Variants in ACTR6 observed in about 807,000 individuals in gnomAD.
ACTR6 encodes actin related protein 6.
Under a neutral mutation model 52.5 loss-of-function variants are expected in ACTR6, and 50 were observed. The ratio of observed to expected loss-of-function variants is 0.95; its 90% CI spans 0.76 to 1.20. ACTR6 has a LOEUF of 1.20. Among genes scored for constraint, ACTR6 ranks in the 50% most tolerant of loss-of-function variants. The pLI is 0.00. For missense variants in ACTR6, 344 were observed against 472.4 expected (o/e 0.73, Z 2.52); for synonymous variants, 135 against 147.2 (o/e 0.92, Z 0.60).
chr12:100,216,244 C>T (rs1052689398), intron 8 of ACTR6, among the ~76,000 whole-genome samples: 2 of 152,240 alleles, frequency 1.3e-5, no homozygotes, highest in African/African-American at 4.8e-5. Flanking sequence ...CAGCTTTGAC[C>T]TCTCAGGCTC....
chr12:100,201,631 C>A (rs2096109752), intron 1 of ACTR6, among the ~76,000 whole-genome samples: 1 of 152,082 alleles, frequency 6.6e-6, no homozygotes, highest in African/African-American at 2.4e-5. Flanking sequence ...TACAATCTTT[C>A]TGGAAAACGT....
intron 10 of ACTR6, among the ~76,000 whole-genome samples, chr12:100,222,079 C>T (rs183178613): frequency 1.5e-3 from 226 of 151,964 alleles, no homozygotes; most frequent in Non-Finnish European, 2.8e-3. Context: ...CTCAGCCTCC[C>T]GAATAGCTGG....
chr12:100,220,189 T>G (rs1416366684), intron 10 of ACTR6, 43 bp downstream of exon 10: 30 of 1,570,062 alleles, frequency 1.9e-5, no homozygotes, highest in Non-Finnish European at 2.6e-5. Context: ...GAAGTCCACA[T>G]GTAGAAAAGG....
At chr12:100,203,600 G>T (rs564529264) in intron 1 of ACTR6, 2 of 150,910 alleles carry the variant, frequency 1.3e-5, no homozygotes, top group East Asian at 3.9e-4. Flanking sequence ...CACTGCTCCC[G>T]GCTGGAAACT....
At chr12:100,217,936 C>T (rs1477444378) in intron 8 of ACTR6, among the ~76,000 whole-genome samples, 1 of 152,164 alleles carries the variant, frequency 6.6e-6, no homozygotes, top group Non-Finnish European at 1.5e-5. Flanking sequence ...AAACTAGAAT[C>T]ATTGTACCAT....
chr12:100,202,860 A>C (rs2096111008), intron 1 of ACTR6, among the ~76,000 whole-genome samples: 1 of 151,012 alleles, frequency 6.6e-6, no homozygotes, highest in Non-Finnish European at 1.5e-5. Flanking sequence ...TCGGTCTCAA[A>C]AAAAAAAAAA....
rs2096125457 is a variant in ACTR6, at chr12:100,218,353, T to C, written c.751-62T>C. 1 of 1,189,640 alleles carries C rather than the reference T, an allele frequency of 8.4e-7. No individual in the cohort carries two copies. Among genetic ancestry groups the C allele is most frequent in the African/African-American group, 1.6e-5 (1 of 63,024 alleles). 73.7% of individuals were successfully genotyped at this position (1,189,640 alleles called of 1,614,324 possible). A position where few individuals can be genotyped will look rare whatever the true frequency, so the allele number is the denominator to read the frequency against. ...TATTGCATATATAATTGCATATTACTAATTATTAGTCATGTGAGCTAGATA... is the reference window on the plus strand; with the variant it reads ...TATTGCATATATAATTGCATATTACCAATTATTAGTCATGTGAGCTAGATA... On this transcript the variant is annotated intron_variant, in intron 8 of 10. Transcript: ENST00000188312. The surrounding 1 kb of genome is among the most constrained non-coding windows in gnomAD (Gnocchi z 4.2).
At chr12:100,203,298 G>T (rs1043686874) in intron 1 of ACTR6, among the ~76,000 whole-genome samples, 3 of 152,000 alleles carry the variant, frequency 2.0e-5, no homozygotes, top group Non-Finnish European at 4.4e-5. Flanking sequence ...GGCTTCATGG[G>T]AACTTAATTT....
At chr12:100,205,095 G>T in intron 2 of ACTR6, 38 bp downstream of exon 2, 1 of 1,278,724 alleles carries the variant, frequency 7.8e-7, no homozygotes, top group South Asian at 1.4e-5. Flanking sequence ...TAGCATTGTA[G>T]ACCTAAATTT....
chr12:100,219,669 G>T lies in ACTR6; in HGVS notation c.923-339G>T, dbSNP rs547193968. The stretch of plus-strand genomic sequence containing the variant: ...ACCACCCCCCTTCCATTTTAGAGAA[G>T]AATAATTATAATTACCAACTGTTTT... On this transcript the variant is annotated intron_variant, in intron 9 of 10. Transcript: ENST00000188312. Among the ~76,000 whole-genome samples the T allele has an allele frequency of 3.9e-5, 6 of 152,122 alleles. No individual in the cohort carries two copies. The South Asian group carries it at 1.0e-3, about 26-fold the overall frequency.
At chr12:100,210,937 C>G (rs1321027363) in intron 6 of ACTR6, among the ~76,000 whole-genome samples, 13 of 152,132 alleles carry the variant, frequency 8.5e-5, no homozygotes, top group Admixed American at 8.5e-4. Context: ...CTGGCAACTA[C>G]TAATTGGCTT....
chr12:100,208,912 GATTT>G, intron 4 of ACTR6: 2 of 370,504 alleles, frequency 5.4e-6, no homozygotes, highest in Non-Finnish European at 1.1e-5. Context: ...ACATCTGGCT[GATTT>G]ATTTATTTTT....
Position 100,207,677 on chromosome 12 carries a change from T to G in ACTR6, c.270T>G (p.Asp90Glu). The change falls in exon 4 of 11, where the codon GAT becomes GAG. Residue 90 changes from aspartate (D) to glutamate (E), a missense_variant. By Grantham distance (45) the Asp-to-Glu change is conservative (BLOSUM62 2). Coordinates refer to ENST00000188312, the MANE Select transcript of ACTR6 (RefSeq NM_022496.5). The stretch of plus-strand genomic sequence containing the variant: ...TTCTCCTATAGGTTGATTTTTTAGA[T>G]ACTAATATTATTATCACTGAACCAT... The part of the protein sequence containing the change: ...GKEMYQVDFL[D>E]TNIIITEPYF... 3 of 1,520,936 alleles carry G rather than the reference T, an allele frequency of 2.0e-6. No individual in the cohort carries two copies. Among genetic ancestry groups the G allele is most frequent in the Non-Finnish European group, 2.7e-6 (3 of 1,118,466 alleles). 94.2% of individuals were successfully genotyped at this position (1,520,936 alleles called of 1,614,324 possible).
chr12:100,214,305 A>G (rs1592843181), intron 8 of ACTR6, among the ~76,000 whole-genome samples: 1 of 152,228 alleles, frequency 6.6e-6, no homozygotes, highest in Non-Finnish European at 1.5e-5. Context: ...TGGGTTTTAT[A>G]TAATTATTTA....
chr12:100,219,174 A>AG (rs1164614008), intron 9 of ACTR6, among the ~76,000 whole-genome samples: 1 of 151,438 alleles, frequency 6.6e-6, no homozygotes, highest in Non-Finnish European at 1.5e-5. Context: ...AAAAAAAAAA[A>AG]AAAAAGAAAA....
Position 100,218,328 on chromosome 12 carries a change from TATTGCATATATA to T in ACTR6, c.751-77_751-66del, listed in dbSNP as rs2096125447. The T allele has an allele frequency of 1.3e-6, 1 of 783,646 alleles. No individual in the cohort carries two copies. Among genetic ancestry groups the T allele is most frequent in the African/African-American group, 1.8e-5 (1 of 54,212 alleles). The allele number at this position is 783,646 out of a possible 1,614,324, so 48.5% of individuals were successfully genotyped here. On this transcript the variant is annotated intron_variant, in intron 8 of 10. Transcript: ENST00000188312. The surrounding 1 kb of genome is among the most constrained non-coding windows in gnomAD (Gnocchi z 4.2). Reference sequence around the variant, plus strand: ...CATTATTAATATATTATTAATATATTATTGCATATATAATTGCATATTACTAATTATTAGTCA... The same window carrying T: ...CATTATTAATATATTATTAATATATTATTGCATATTACTAATTATTAGTCA...
In ACTR6 at chr12:100,218,682, T is replaced by C. The variant is rs2096125701; in HGVS notation, c.922+96T>C. The C allele has an allele frequency of 1.3e-6, 1 of 743,046 alleles. No individual in the cohort carries two copies. The highest frequency in any genetic ancestry group is 1.9e-6 in the Non-Finnish European group (1 of 529,368). 46.0% of individuals were successfully genotyped at this position (743,046 alleles called of 1,614,324 possible). ...TTTCCTCTAAATAATTTCAGGCAAA[T>C]TGGTGAGTCTGTTTTATTTGCAGAG... On this transcript the variant is annotated intron_variant, in intron 9 of 10. Coordinates refer to ENST00000188312, the MANE Select transcript of ACTR6 (RefSeq NM_022496.5). The surrounding 1 kb of genome is among the most constrained non-coding windows in gnomAD (Gnocchi z 4.2).
Position 100,210,055 on chromosome 12 carries a change from TTA to T in ACTR6, c.380-16_380-15del. On this transcript the variant is annotated splice_polypyrimidine_tract_variant and intron_variant, in intron 4 of 10. Coordinates refer to ENST00000188312, the MANE Select transcript of ACTR6 (RefSeq NM_022496.5). ...TAGTGTTATATTTTTGTTCACTTTT[TTA>T]TCTTTTTTTAAATAGCTGGGGCTCT... 1.3e-6 allele frequency: 2 copies of T among 1,561,386 alleles called. No individual in the cohort carries two copies. Among genetic ancestry groups the T allele is most frequent in the South Asian group, 2.4e-5 (2 of 82,408 alleles).
chr12:100,218,068 G>A lies in ACTR6; in HGVS notation c.751-347G>A, dbSNP rs1370432550. On this transcript the variant is annotated intron_variant, in intron 8 of 10. Coordinates refer to ENST00000188312, the MANE Select transcript of ACTR6 (RefSeq NM_022496.5). The surrounding 1 kb of genome is among the most constrained non-coding windows in gnomAD (Gnocchi z 4.2). Reference sequence around the variant, plus strand: ...GTTTCCCAGGCTGTCTTGAACTCCCGGGCTCAAGTGATCCATCCGCCTTGA... The same window carrying A: ...GTTTCCCAGGCTGTCTTGAACTCCCAGGCTCAAGTGATCCATCCGCCTTGA... Among the ~76,000 whole-genome samples, 35 of 151,820 alleles carry A rather than the reference G, an allele frequency of 2.3e-4. No individual in the cohort carries two copies. Among genetic ancestry groups the A allele is most frequent in the Admixed American group, 2.0e-3 (31 of 15,230 alleles).
Sources: gnomAD v4.1 joint callset for allele counts (sites outside exome capture counted in the v4.1 genomes callset) on GRCh38, gnomAD v4.1.1 for gene constraint, Gnocchi (gnomAD v3.1) non-coding constraint, MANE v1.5 for transcripts, NCBI Gene and HGNC (gene_info 2026-07-23, HGNC 2026-07-21) for gene names.